SNRPA1: variants seen among roughly 807,000 people sequenced by gnomAD.
SNRPA1 encodes the protein small nuclear ribonucleoprotein polypeptide A', also known as U2 small nuclear ribonucleoprotein A'.
In SNRPA1, 5 loss-of-function variants were observed where a neutral mutation model predicts 32.3. The observed-to-expected ratio is 0.15, with a 90% CI of 0.08 to 0.33. The LOEUF (loss-of-function observed/expected upper bound fraction) is 0.33, where lower values mean the gene tolerates loss of function less well. Ranked by LOEUF, SNRPA1 falls within the 10% of genes least tolerant of loss-of-function variation. The probability of loss-of-function intolerance (pLI) is 1.00; values close to 1 mark genes in which losing one functional copy is unlikely to be tolerated. For synonymous variants in SNRPA1, 111 were observed against 120.1 expected, an observed-to-expected ratio of 0.92 and a Z score of 0.50; for missense variants, 198 against 311.1, an observed-to-expected ratio of 0.64 and a Z score of 2.74.
At chr15:101,285,176 T>C (rs2039441246) in intron 7 of SNRPA1, 116 bp from the exon 8 acceptor site, 2 of 696,518 alleles carry the variant, frequency 2.9e-6, no homozygotes, top group Non-Finnish European at 5.1e-6. Flanking sequence ...ATCAGGAACA[T>C]TAAATACTTT....
At chr15:101,294,158 C>T (rs1434792043) in intron 1 of SNRPA1, among the ~76,000 whole-genome samples, 2 of 152,226 alleles carry the variant, frequency 1.3e-5, no homozygotes, top group African/African-American at 4.8e-5. Context: ...ATCACCTGAA[C>T]CGGGGAGGCG....
intron 3 of SNRPA1, among the ~76,000 whole-genome samples, chr15:101,290,574 A>ATTTT (rs58641401): frequency 2.8e-5 from 4 of 142,482 alleles, no homozygotes; most frequent in Admixed American, 7.0e-5. Context: ...AAGTTATACG[A>ATTTT]TTTTTTTTTT....
chr15:101,286,353 A>G, intron 5 of SNRPA1, 60 bp from the exon 6 acceptor site: 2 of 1,483,434 alleles, frequency 1.3e-6, no homozygotes, highest in Non-Finnish European at 1.9e-6. Flanking sequence ...ATTTAGATGC[A>G]TTCCTCAGAA....
chr15:101,284,414 T>G (rs1020056057), intron 8 of SNRPA1, among the ~76,000 whole-genome samples: 2 of 152,196 alleles, frequency 1.3e-5, no homozygotes, highest in Non-Finnish European at 2.9e-5. Context: ...CTATCGCTAG[T>G]GTTCGGTGCA....
At chr15:101,283,320 G>C (rs8026237) in intron 8 of SNRPA1, among the ~76,000 whole-genome samples, 1 of 150,070 alleles carries the variant, frequency 6.7e-6, no homozygotes, top group Non-Finnish European at 1.5e-5. Flanking sequence ...AGGCCAAGGC[G>C]GGTGGATCAT....
chr15:101,288,573 CA>C (rs1250144479), intron 3 of SNRPA1: 1 of 152,136 alleles, frequency 6.6e-6, no homozygotes, highest in African/African-American at 2.4e-5. Context: ...TAATCTTCTC[CA>C]ATTGTTCCAT....
chr15:101,287,247 C>G (rs1262784472), intron 4 of SNRPA1, among the ~76,000 whole-genome samples: 2 of 152,082 alleles, frequency 1.3e-5, no homozygotes, highest in Non-Finnish European at 2.9e-5. Flanking sequence ...AGGTTTGTTA[C>G]ATATGTATAC....
chr15:101,292,780 A>G (rs887149415), intron 2 of SNRPA1: 1 of 289,106 alleles, frequency 3.5e-6, no homozygotes, highest in Non-Finnish European at 6.4e-6. Flanking sequence ...AGACTAGACT[A>G]ATGCCAGGTT....
At chr15:101,293,445 C>G (rs1555441708) in intron 1 of SNRPA1, 2 of 251,944 alleles carry the variant, frequency 7.9e-6, no homozygotes, top group Non-Finnish European at 1.5e-5. Context: ...AGGCAGCTAA[C>G]ATTTATAAGA....
chr15:101,294,428 G>GC, intron 1 of SNRPA1, among the ~76,000 whole-genome samples: 1 of 152,326 alleles, frequency 6.6e-6, no homozygotes, highest in South Asian at 2.1e-4. Flanking sequence ...ATGCCAACTA[G>GC]CTAGCTGCCC....
At chr15:101,284,454 C>G (rs1002265370) in intron 8 of SNRPA1, among the ~76,000 whole-genome samples, 3 of 151,604 alleles carry the variant, frequency 2.0e-5, no homozygotes, top group African/African-American at 7.3e-5. Context: ...CTAGCTTCAA[C>G]TTTTACATAA....
chr15:101,294,783 G>C (rs113187609), intron 1 of SNRPA1: 8,505 of 340,552 alleles, frequency 0.025, 604 homozygotes, highest in African/African-American at 0.16. Flanking sequence ...CCGCTCTTCC[G>C]GGCCCTCAAA....
At chr15:101,292,898 TAAAAA>T in intron 2 of SNRPA1, 122 bp downstream of exon 2, 2 of 539,732 alleles carry the variant, frequency 3.7e-6, no homozygotes, top group Admixed American at 4.2e-5. Context: ...AAAATATAAA[TAAAAA>T]AGAAAAAGAA....
chr15:101,284,419 G>A (rs12908996), intron 8 of SNRPA1, among the ~76,000 whole-genome samples: 52,741 of 151,784 alleles, frequency 0.35, 9,633 homozygotes, highest in African/African-American at 0.43. Flanking sequence ...GCTAGTGTTC[G>A]GTGCACTCCA....
At chr15:101,285,544 G>A (rs2039445550) in intron 7 of SNRPA1, among the ~76,000 whole-genome samples, 182 bp downstream of exon 7, 1 of 152,234 alleles carries the variant, frequency 6.6e-6, no homozygotes, top group Admixed American at 6.5e-5. Context: ...ATTAGCTTGT[G>A]TAATTTCAAG....
rs755243453 is a variant in SNRPA1 at position 101,285,808 on chromosome 15, A to AG, written c.540-8dup. Reference sequence around the variant, plus strand: ...ACCAGCACCTGGATTAAAACTTAAGAGGGGGAAGAACATAACTGTTAGACC... The same window carrying AG: ...ACCAGCACCTGGATTAAAACTTAAGAGGGGGGAAGAACATAACTGTTAGACC... On this transcript the variant is annotated splice_polypyrimidine_tract_variant and splice_region_variant and intron_variant, in intron 6 of 8. Coordinates refer to ENST00000254193, the MANE Select transcript of SNRPA1 (RefSeq NM_003090.4). 3.7e-6 allele frequency: 6 copies of AG among 1,611,438 alleles called. No homozygotes were observed. The Admixed American group carries it at 1.0e-4, about 27-fold the overall frequency.
chr15:101,284,953 C>G lies in SNRPA1; in HGVS notation c.709+14G>C, dbSNP rs2039438572. The G allele has an allele frequency of 6.3e-7, 1 of 1,595,544 alleles. No individual in the cohort carries two copies. The highest frequency in any genetic ancestry group is 8.6e-7 in the Non-Finnish European group (1 of 1,163,460). On this transcript the variant is annotated intron_variant, in intron 8 of 8. Coordinates refer to ENST00000254193, the MANE Select transcript of SNRPA1 (RefSeq NM_003090.4). The stretch of plus-strand genomic sequence containing the variant: ...AACATTAATTTGAACATACAAAGAA[C>G]ACCATTTGTTCACCTGATCTGCGTT...
At chr15:101,283,982 C>T (rs1721497890) in intron 8 of SNRPA1, among the ~76,000 whole-genome samples, 1 of 152,236 alleles carries the variant, frequency 6.6e-6, no homozygotes, top group Admixed American at 6.5e-5. Context: ...GCTCCCAGCT[C>T]AAACATTATT....
intron 8 of SNRPA1, among the ~76,000 whole-genome samples, chr15:101,282,241 T>G (rs1263956382): frequency 6.6e-6 from 1 of 152,258 alleles, no homozygotes; most frequent in Non-Finnish European, 1.5e-5. Context: ...GTTCAACAAT[T>G]TATGGCAGGT....
Sources: allele counts gnomAD v4.1 joint callset (sites outside exome capture counted in the v4.1 genomes callset), GRCh38; gene constraint gnomAD v4.1.1; transcripts MANE v1.5; gene names NCBI Gene and HGNC (gene_info 2026-07-23, HGNC 2026-07-21).